Variants in GPN2 observed in about 807,000 individuals in gnomAD.
GPN2 encodes the protein GPN-loop GTPase 2.
Under a neutral mutation model 30.1 loss-of-function variants are expected in GPN2, and 27 were observed. The observed-to-expected ratio is 0.90, with a 90% CI of 0.66 to 1.24. The LOEUF (loss-of-function observed/expected upper bound fraction) is 1.24. Among genes scored for constraint, GPN2 ranks in the 50% most tolerant of loss-of-function variants. The pLI, the probability that GPN2 is intolerant of heterozygous loss-of-function variation, is 0.00. For missense variants in GPN2, 406 were observed against 405.4 expected (o/e 1.00, Z -0.01); for synonymous variants, 212 against 174.4 (o/e 1.22, Z -1.70).
chr1:26,889,512 G>A (rs190135323), intron 1 of GPN2, among the ~76,000 whole-genome samples, 174 bp downstream of exon 1: 1 of 152,292 alleles, frequency 6.6e-6, no homozygotes, highest in Admixed American at 6.5e-5. Flanking sequence ...GTGATGAACT[G>A]ACTTATCAAC....
intron 3 of GPN2, among the ~76,000 whole-genome samples, chr1:26,884,935 T>A (rs1301311838): frequency 1.3e-5 from 2 of 151,976 alleles, no homozygotes; most frequent in East Asian, 3.9e-4. Flanking sequence ...TGAGCCAAGA[T>A]AACGCACTGC....
Position 26,882,208 on chromosome 1 carries a change from G to A in GPN2, c.860+1952C>T, listed in dbSNP as rs189650302. Among the ~76,000 whole-genome samples the A allele has an allele frequency of 3.6e-3, 536 of 147,886 alleles. 5 individuals are homozygous for A. Among genetic ancestry groups the A allele is most frequent in the African/African-American group, 0.013 (516 of 39,912 alleles). On this transcript the variant is annotated intron_variant, in intron 4 of 4. Transcript: ENST00000374135. Reference sequence around the variant, plus strand: ...CTCCAACTGGGGCAACAAGATTGACGGTCCGTCTCAAAAAAAAAAAAAAAA... The same window carrying A: ...CTCCAACTGGGGCAACAAGATTGACAGTCCGTCTCAAAAAAAAAAAAAAAA...
chr1:26,881,157 G>A (rs911742238), intron 4 of GPN2, among the ~76,000 whole-genome samples: 1 of 152,134 alleles, frequency 6.6e-6, no homozygotes, highest in Non-Finnish European at 1.5e-5. Flanking sequence ...ATAAAGTAAC[G>A]TACAGATGCT....
chr1:26,888,858 T>G (rs1052843596), intron 2 of GPN2, 111 bp downstream of exon 2: 11 of 1,003,654 alleles, frequency 1.1e-5, no homozygotes, highest in Non-Finnish European at 1.7e-5. Flanking sequence ...TGCCTGTGGC[T>G]ACTATCACCA....
chr1:26,883,853 A>G (rs1030458133), intron 4 of GPN2, among the ~76,000 whole-genome samples: 1 of 151,942 alleles, frequency 6.6e-6, no homozygotes, highest in South Asian at 2.1e-4. Context: ...ATCCTGGCCA[A>G]CACAGTGAAA....
chr1:26,887,294 T>C (rs1487919773), intron 2 of GPN2, among the ~76,000 whole-genome samples: 1 of 152,302 alleles, frequency 6.6e-6, no homozygotes, highest in Non-Finnish European at 1.5e-5. Flanking sequence ...AAGAAGTAAG[T>C]TGGACTTCCC....
intron 1 of GPN2, among the ~76,000 whole-genome samples, 191 bp downstream of exon 1, chr1:26,889,495 G>A (rs972217708): frequency 6.6e-6 from 1 of 152,126 alleles, no homozygotes; most frequent in Non-Finnish European, 1.5e-5. Flanking sequence ...GGAAACTGAG[G>A]TTCAGAGTGA....
At chr1:26,889,386 T>C (rs770231909) in intron 1 of GPN2, among the ~76,000 whole-genome samples, 12 of 152,210 alleles carry the variant, frequency 7.9e-5, no homozygotes, top group Non-Finnish European at 1.6e-4. Flanking sequence ...CATTTACTTT[T>C]GCCCACCAAT....
chr1:26,879,827 A>G (rs2081855821), intron 4 of GPN2, 78 bp from the exon 5 acceptor site: 1 of 882,398 alleles, frequency 1.1e-6, no homozygotes, highest in Non-Finnish European at 1.9e-6. Flanking sequence ...ACTTCCGCTG[A>G]TGCCTACACT....
chr1:26,883,094 A>G (rs767893537), intron 4 of GPN2, among the ~76,000 whole-genome samples: 1 of 152,164 alleles, frequency 6.6e-6, no homozygotes, highest in Non-Finnish European at 1.5e-5. Context: ...TTTGCCCCCA[A>G]TCACGTCCCT....
intron 2 of GPN2, 100 bp downstream of exon 2, chr1:26,888,869 G>A: frequency 1.7e-6 from 2 of 1,179,752 alleles, no homozygotes; most frequent in South Asian, 2.7e-5. Flanking sequence ...ACTATCACCA[G>A]ACCACGCAAG....
Position 26,879,669 on chromosome 1 carries a change from C to T in GPN2, c.*8G>A, listed in dbSNP as rs1161070768. The T allele has an allele frequency of 6.2e-7, 1 of 1,608,740 alleles. No individual in the cohort carries two copies. The highest frequency in any genetic ancestry group is 1.1e-5 in the South Asian group (1 of 90,860). Reference sequence around the variant, plus strand: ...TATGCATCCTGCTCTCCAGGGTCCACCTTGTTGCTACAGCTGCATGGCTTC... The same window carrying T: ...TATGCATCCTGCTCTCCAGGGTCCATCTTGTTGCTACAGCTGCATGGCTTC... On this transcript the variant is annotated 3_prime_UTR_variant, in exon 5 of 5. Transcript: ENST00000374135.
rs1179803270 is a variant in GPN2, at chr1:26,889,936, T to C, written c.161A>G (p.Tyr54Cys). Residue 54 changes from tyrosine to cysteine, a missense_variant, in exon 1 of 5, where the codon TAC (tyrosine) becomes TGC (cysteine). By Grantham distance (194) the Tyr-to-Cys change is radical (BLOSUM62 -2). Coordinates refer to ENST00000374135, the MANE Select transcript of GPN2 (RefSeq NM_018066.4). ...NLDPANEGLP[Y>C]ECAVDVGELV... ...CTCGCCCACGTCCACGGCACACTCG[T>C]ACGGCAGCCCCTCGTTGGCCGGGTC... 2 of 1,609,716 alleles carry C rather than the reference T, an allele frequency of 1.2e-6. No homozygotes were observed. The highest frequency in any genetic ancestry group is 2.2e-5 in the South Asian group (2 of 90,952).
chr1:26,889,652 T>C, intron 1 of GPN2, 34 bp downstream of exon 1: 1 of 1,542,898 alleles, frequency 6.5e-7, no homozygotes, highest in Non-Finnish European at 8.8e-7. Flanking sequence ...AGTTACTCCA[T>C]CCGCAAAATG....
At position 26,889,686 on chromosome 1, in the gene GPN2, CCT is replaced by C. The variant is rs1413158360; in HGVS notation, c.409_410del (p.Arg137AlafsTer47). 6.4e-7 allele frequency: 1 copy of C among 1,572,796 alleles called. No homozygotes were observed. Among genetic ancestry groups the C allele is most frequent in the East Asian group, 2.3e-5 (1 of 44,422 alleles). On this transcript the variant is annotated frameshift_variant and splice_region_variant, in exon 1 of 5. Coordinates refer to ENST00000374135, the MANE Select transcript of GPN2 (RefSeq NM_018066.4). LOFTEE classifies it high-confidence loss of function. Reference sequence around the variant, plus strand: ...TGGGCCTCCCCGCCCTGAGACGCACCCTGAGGTCCCACTGCGCCATTTGGGAG... The same window carrying C: ...TGGGCCTCCCCGCCCTGAGACGCACCGAGGTCCCACTGCGCCATTTGGGAG... ...IFSQMAQWDL[R>X]LTAVHLVDSH...
In GPN2 at chr1:26,890,220, C is replaced by T; in HGVS notation, c.-124G>A. On this transcript the variant is annotated 5_prime_UTR_variant, in exon 1 of 5. Transcript: ENST00000374135. ...CTCGTTGGCGGCCAGCGTCACTCGC[C>T]TCAGGCGGAACAGCTGAGACCGTGT... 1 of 850,418 alleles carries T rather than the reference C, an allele frequency of 1.2e-6. No homozygotes were observed. The highest frequency in any genetic ancestry group is 1.7e-5 in the African/African-American group (1 of 57,944). The allele number at this position is 850,418 out of a possible 1,614,324, so 52.7% of individuals were successfully genotyped here.
In GPN2 at chr1:26,879,664, G is replaced by C. The variant is rs1012771684; in HGVS notation, c.*13C>G. The C allele has an allele frequency of 1.9e-6, 3 of 1,602,830 alleles. No homozygotes were observed. The African/African-American group carries it at 4.0e-5, about 21-fold the overall frequency. ...TGGATTATGCATCCTGCTCTCCAGG[G>C]TCCACCTTGTTGCTACAGCTGCATG... On this transcript the variant is annotated 3_prime_UTR_variant, in exon 5 of 5. Transcript: ENST00000374135.
In GPN2 at chr1:26,886,168, T is replaced by C. The variant is rs781148243; in HGVS notation, c.569-35A>G. ...GAAACCAGTGTTCAGGAGCAACCAGTATCAGGCTAAAGACCTGAGGACGAG... is the reference window on the plus strand; with the variant it reads ...GAAACCAGTGTTCAGGAGCAACCAGCATCAGGCTAAAGACCTGAGGACGAG... On this transcript the variant is annotated intron_variant, in intron 2 of 4. Transcript: ENST00000374135. 18 of 1,557,990 alleles carry C rather than the reference T, an allele frequency of 1.2e-5. No homozygotes were observed. In the Admixed American group the frequency reaches 2.8e-4, roughly 24 times the overall value.
rs2081905178 is a variant in GPN2 at position 26,888,912 on chromosome 1, C to T, written c.568+57G>A. The T allele has an allele frequency of 3.1e-5, 49 of 1,580,016 alleles. No homozygotes were observed. The South Asian group carries it at 5.4e-4, about 17-fold the overall frequency. On this transcript the variant is annotated intron_variant, in intron 2 of 4. Coordinates refer to ENST00000374135, the MANE Select transcript of GPN2 (RefSeq NM_018066.4). ...AGGCAGCTACCTTCAGCTGAGATGT[C>T]TGCTTCATTCTAGCCCAGCTGCTGC... is the stretch of plus-strand genomic sequence containing the variant.
Sources: gnomAD v4.1 joint callset for allele counts (sites outside exome capture counted in the v4.1 genomes callset) on GRCh38, gnomAD v4.1.1 for gene constraint, MANE v1.5 for transcripts, NCBI Gene and HGNC (gene_info 2026-07-23, HGNC 2026-07-21) for gene names.